The following GLI2 variants were observed in gnomAD, a reference collection of about 807,000 sequenced individuals.
The protein encoded by GLI2 is transcription activator GLI2.
GLI2 carries 22 observed loss-of-function variants against 78.9 expected under a neutral mutation model. That is an observed-to-expected ratio of 0.28 (90% CI 0.20 to 0.40). The LOEUF is 0.40. GLI2 is among the 10% of genes least tolerant of loss of function. GLI2 has a pLI of 1.00. For synonymous variants in GLI2, 974 were observed against 963.7 expected (o/e 1.01, Z -0.20); for missense variants, 2,097 against 2,213.2 (o/e 0.95, Z 1.05).
At chr2:120,736,940 C>G (rs1682381520) in intron 1 of GLI2, among the ~76,000 whole-genome samples, 2 of 151,704 alleles carry the variant, frequency 1.3e-5, no homozygotes, top group South Asian at 4.2e-4. Context: ...CTTGACTTCC[C>G]AAAGGGATCC....
intron 5 of GLI2, among the ~76,000 whole-genome samples, chr2:120,963,802 A>G (rs1278488268): frequency 6.6e-6 from 1 of 152,260 alleles, no homozygotes. Flanking sequence ...TGTCTTCTGT[A>G]AAATGAGCAT....
chr2:120,883,712 T>G (rs371016201), intron 2 of GLI2, among the ~76,000 whole-genome samples: 1 of 152,184 alleles, frequency 6.6e-6, no homozygotes, highest in East Asian at 1.9e-4. Flanking sequence ...ATAGCTCAGA[T>G]CTGAACCCAC....
intron 3 of GLI2, among the ~76,000 whole-genome samples, chr2:120,939,213 C>T (rs6541746): frequency 0.8 from 121,015 of 152,034 alleles, 52,688 homozygotes; most frequent in East Asian, 1. Flanking sequence ...ACCTAGGAGG[C>T]GGAAGTTGCA....
chr2:120,942,162 T>C (rs532300177), intron 3 of GLI2, among the ~76,000 whole-genome samples: 143 of 152,300 alleles, frequency 9.4e-4, no homozygotes, highest in Non-Finnish European at 1.6e-3. Flanking sequence ...ATGCTTTCCA[T>C]GACGAGTTCA....
intron 10 of GLI2, among the ~76,000 whole-genome samples, chr2:120,979,226 C>T (rs1244855140): frequency 6.6e-6 from 1 of 152,170 alleles, no homozygotes; most frequent in Non-Finnish European, 1.5e-5. Flanking sequence ...GCATCAGCCT[C>T]CCAAAGTGCT....
intron 2 of GLI2, among the ~76,000 whole-genome samples, chr2:120,805,413 C>T (rs1402243651): frequency 6.6e-6 from 1 of 152,250 alleles, no homozygotes; most frequent in Non-Finnish European, 1.5e-5. Context: ...GCTCCTGCCC[C>T]TGTGTGCTCC....
At chr2:120,892,955 T>A (rs1233089462) in intron 2 of GLI2, among the ~76,000 whole-genome samples, 1 of 152,226 alleles carries the variant, frequency 6.6e-6, no homozygotes, top group Non-Finnish European at 1.5e-5. Context: ...GCCACTTTTC[T>A]GATAGATGCT....
chr2:120,790,392 C>T (rs1215074675), intron 1 of GLI2, among the ~76,000 whole-genome samples: 1 of 152,182 alleles, frequency 6.6e-6, no homozygotes, highest in Non-Finnish European at 1.5e-5. Context: ...GACACCATGG[C>T]CCTGCCTCCC....
chr2:120,986,549 C>A lies in GLI2; in HGVS notation c.2177C>A (p.Ser726Tyr). The change falls in exon 13 of 14, where the codon TCC (serine) becomes TAC (tyrosine). Residue 726 changes from serine (S) to tyrosine (Y), a missense_variant. Transcript: ENST00000361492. The stretch of plus-strand genomic sequence containing the variant: ...GAGAAGCTCAAGTCACTCAAGGATT[C>A]CTGCTCATGGGCCGGGCCGACTCCA... ...KKEKLKSLKD[S>Y]CSWAGPTPHT... 1 of 1,614,164 alleles carries A rather than the reference C, an allele frequency of 6.2e-7. No homozygotes were observed. Among genetic ancestry groups the A allele is most frequent in the Non-Finnish European group, 8.5e-7 (1 of 1,180,028 alleles).
At chr2:120,806,331 G>T (rs1426335330) in intron 2 of GLI2, among the ~76,000 whole-genome samples, 1 of 152,290 alleles carries the variant, frequency 6.6e-6, no homozygotes, top group East Asian at 1.9e-4. Context: ...AGATGGTCCC[G>T]AACTGTGGAC....
In GLI2 at chr2:120,782,774, C is replaced by G. The variant is rs576478677; in HGVS notation, c.-30-14517C>G. Among the ~76,000 whole-genome samples the G allele has an allele frequency of 6.0e-4, 91 of 152,332 alleles. 1 individual carries two copies. The Middle Eastern group carries it at 0.01, about 17-fold the overall frequency. On this transcript the variant is annotated intron_variant, in intron 1 of 13. Transcript: ENST00000361492. ...TCCCTGGTCTCAACCCACTGGCCAC[C>G]GCTGGCGCAATTTGGAGACAGTCAA...
At chr2:120,865,595 G>A (rs929345341) in intron 2 of GLI2, among the ~76,000 whole-genome samples, 3 of 152,208 alleles carry the variant, frequency 2.0e-5, no homozygotes, top group Non-Finnish European at 4.4e-5. Context: ...ACCCGGGAGC[G>A]TTGGGGTTGA....
At chr2:120,834,675 T>A (rs1275094853) in intron 2 of GLI2, among the ~76,000 whole-genome samples, 1 of 152,138 alleles carries the variant, frequency 6.6e-6, no homozygotes, top group Non-Finnish European at 1.5e-5. Flanking sequence ...TGAGATGGGG[T>A]CTGGGTTCTT....
chr2:120,948,245 T>C (rs941044556), intron 3 of GLI2, among the ~76,000 whole-genome samples: 1 of 152,168 alleles, frequency 6.6e-6, no homozygotes, highest in African/African-American at 2.4e-5. Flanking sequence ...GGTTCCATTT[T>C]TCCATACCCT....
At chr2:120,916,149 T>G (rs1379535608) in intron 2 of GLI2, among the ~76,000 whole-genome samples, 3 of 152,180 alleles carry the variant, frequency 2.0e-5, no homozygotes, top group African/African-American at 7.2e-5. Context: ...AGGCAGGAGC[T>G]CTGGCAACAG....
At chr2:120,857,764 AC>A (rs1218850026) in intron 2 of GLI2, among the ~76,000 whole-genome samples, 3 of 140,970 alleles carry the variant, frequency 2.1e-5, no homozygotes, top group African/African-American at 7.7e-5. Context: ...CAGGGGATCA[AC>A]CCCCCCACCC....
chr2:120,759,333 C>T (rs755738283), intron 1 of GLI2, among the ~76,000 whole-genome samples: 1 of 152,078 alleles, frequency 6.6e-6, no homozygotes, highest in African/African-American at 2.4e-5. Flanking sequence ...CCCACAAGAC[C>T]GCCCCACATC....
intron 3 of GLI2, among the ~76,000 whole-genome samples, chr2:120,947,231 C>A: frequency 6.6e-6 from 1 of 152,252 alleles, no homozygotes; most frequent in Non-Finnish European, 1.5e-5. Context: ...CAGGCAGGGG[C>A]TCCAGCCCAG....
chr2:120,888,383 G>A (rs934680530), intron 2 of GLI2, among the ~76,000 whole-genome samples: 4 of 152,184 alleles, frequency 2.6e-5, no homozygotes, highest in Non-Finnish European at 5.9e-5. Flanking sequence ...CAATCTCATC[G>A]TCCCCGAGCA....
Sources: gnomAD v4.1 joint callset for allele counts (sites outside exome capture counted in the v4.1 genomes callset) on GRCh38, gnomAD v4.1.1 for gene constraint, MANE v1.5 for transcripts, NCBI Gene and HGNC (gene_info 2026-07-23, HGNC 2026-07-21) for gene names.